Variants in POLR2G observed in about 807,000 individuals in gnomAD.
The protein encoded by POLR2G is RNA polymerase II subunit G.
A neutral mutation model predicts 25.7 loss-of-function variants in POLR2G; 19 were observed. That is an observed-to-expected ratio of 0.74 (90% CI 0.52 to 1.08). The LOEUF is 1.08. Among genes scored for constraint, POLR2G ranks in the 50% least tolerant of loss-of-function variants. The probability of loss-of-function intolerance (pLI) is 0.00; values close to 1 mark genes in which losing one functional copy is unlikely to be tolerated. For synonymous variants in POLR2G, 79 were observed against 76.0 expected (o/e 1.04, Z -0.21); for missense variants, 123 against 218.5 (o/e 0.56, Z 2.76).
chr11:62,765,137 G>C, intron 3 of POLR2G, 45 bp from the exon 4 acceptor site: 1 of 1,579,790 alleles, frequency 6.3e-7, no homozygotes, highest in Non-Finnish European at 8.7e-7. Flanking sequence ...GATTACAGGC[G>C]TGAGCCACCG....
intron 5 of POLR2G, 21 bp downstream of exon 5, chr11:62,765,426 C>A: frequency 6.3e-7 from 1 of 1,595,928 alleles, no homozygotes; most frequent in South Asian, 1.1e-5. Context: ...AGAAAGAAGT[C>A]AGGGAGACAA....
Position 62,766,388 on chromosome 11 carries a change from G to A in POLR2G, c.506-106G>A, listed in dbSNP as rs144528256. ...TCAGAGAGACAGAAGAAACTTTCATGCTGTCTGCTTGAAAGATCCAGGACA... is the reference window on the plus strand; with the variant it reads ...TCAGAGAGACAGAAGAAACTTTCATACTGTCTGCTTGAAAGATCCAGGACA... On this transcript the variant is annotated intron_variant, in intron 7 of 7. Transcript: ENST00000301788. 365 of 1,522,328 alleles carry A rather than the reference G, an allele frequency of 2.4e-4. No homozygotes were observed. The African/African-American group carries it at 4.5e-3, about 19-fold the overall frequency. 94.3% of individuals were successfully genotyped at this position (1,522,328 alleles called of 1,614,324 possible). A position where few individuals can be genotyped will look rare whatever the true frequency, so the allele number is the denominator to read the frequency against.
chr11:62,765,006 A>C (rs1187459932), intron 3 of POLR2G, among the ~76,000 whole-genome samples, 176 bp from the exon 4 acceptor site: 2 of 151,974 alleles, frequency 1.3e-5, no homozygotes, highest in African/African-American at 4.8e-5. Flanking sequence ...TTAGAGGTGC[A>C]CGCCACCATG....
At chr11:62,764,160 A>G (rs1039479614) in intron 3 of POLR2G, among the ~76,000 whole-genome samples, 1 of 152,050 alleles carries the variant, frequency 6.6e-6, no homozygotes, top group Non-Finnish European at 1.5e-5. Flanking sequence ...GCTCTTTAAT[A>G]CTTTAAAATG....
chr11:62,762,112 G>A (rs1452355978), intron 2 of POLR2G: 2 of 581,156 alleles, frequency 3.4e-6, no homozygotes, highest in Non-Finnish European at 6.2e-6. Context: ...GCTGAGATGG[G>A]TCATTCATTG....
rs1346164904 is a variant in POLR2G, at chr11:62,762,855, T to C, written c.123-12T>C. 2.6e-6 allele frequency: 4 copies of C among 1,567,726 alleles called. No homozygotes were observed. Among genetic ancestry groups the C allele is most frequent in the Non-Finnish European group, 3.5e-6 (4 of 1,150,204 alleles). ...ACACACAGTGTCTTCCTGTTTCTCA[T>C]CCTCCTTGCAGGTATGGCTTTGTAA... On this transcript the variant is annotated splice_polypyrimidine_tract_variant and intron_variant, in intron 2 of 7. Coordinates refer to ENST00000301788, the MANE Select transcript of POLR2G (RefSeq NM_002696.3).
At chr11:62,763,297 ATT>A (rs775776919) in intron 3 of POLR2G, among the ~76,000 whole-genome samples, 8 of 128,622 alleles carry the variant, frequency 6.2e-5, no homozygotes, top group Admixed American at 1.6e-4. Flanking sequence ...ATGGCCGGCT[ATT>A]TTTTTTTTTT....
chr11:62,764,505 G>A (rs1475601638), intron 3 of POLR2G, among the ~76,000 whole-genome samples: 1 of 151,882 alleles, frequency 6.6e-6, no homozygotes, highest in African/African-American at 2.4e-5. Flanking sequence ...TAAAAAAAAA[G>A]AGAAAAGGGC....
At chr11:62,764,992 G>A (rs1482763895) in intron 3 of POLR2G, among the ~76,000 whole-genome samples, 190 bp from the exon 4 acceptor site, 1 of 151,996 alleles carries the variant, frequency 6.6e-6, no homozygotes, top group Non-Finnish European at 1.5e-5. Flanking sequence ...CTGAGTAGCT[G>A]GGATTAGAGG....
intron 3 of POLR2G, among the ~76,000 whole-genome samples, chr11:62,764,587 G>C (rs1392646980): frequency 5.3e-5 from 8 of 152,108 alleles, no homozygotes; most frequent in Non-Finnish European, 8.8e-5. Context: ...TTGAGCCTAG[G>C]AGTTTGAGAC....
At chr11:62,766,066 T>C (rs2084114386) in intron 6 of POLR2G, among the ~76,000 whole-genome samples, 177 bp from the exon 7 acceptor site, 1 of 152,092 alleles carries the variant, frequency 6.6e-6, no homozygotes, top group Non-Finnish European at 1.5e-5. Flanking sequence ...GGATTACAGG[T>C]GTGAGCCACC....
At chr11:62,763,335 C>T (rs1245857291) in intron 3 of POLR2G, among the ~76,000 whole-genome samples, 1 of 138,934 alleles carries the variant, frequency 7.2e-6, no homozygotes, top group African/African-American at 2.7e-5. Context: ...CGCTTTGTCA[C>T]CCAGGCTGGT....
chr11:62,764,868 T>TC (rs2084106969), intron 3 of POLR2G, among the ~76,000 whole-genome samples: 1 of 151,952 alleles, frequency 6.6e-6, no homozygotes. Context: ...CTCTTTTGTT[T>TC]TTTTTTTTTG....
intron 7 of POLR2G, 76 bp from the exon 8 acceptor site, chr11:62,766,418 C>A: frequency 6.4e-7 from 1 of 1,558,490 alleles, no homozygotes; most frequent in Non-Finnish European, 8.9e-7. Context: ...AGGACATTTG[C>A]CTTGGGATGA....
At chr11:62,765,437 G>A (rs775085527) in intron 5 of POLR2G, 32 bp downstream of exon 5, 22 of 1,568,400 alleles carry the variant, frequency 1.4e-5, no homozygotes, top group Non-Finnish European at 1.9e-5. Flanking sequence ...AGGGAGACAA[G>A]GAGAGAATCA....
At chr11:62,762,705 C>G in intron 2 of POLR2G, 162 bp from the exon 3 acceptor site, 1 of 638,680 alleles carries the variant, frequency 1.6e-6, no homozygotes, top group Admixed American at 2.3e-5. Context: ...GATCTCTGTT[C>G]TGTCTTCTTT....
intron 3 of POLR2G, 30 bp from the exon 4 acceptor site, chr11:62,765,152 C>A: frequency 6.2e-7 from 1 of 1,607,932 alleles, no homozygotes; most frequent in South Asian, 1.1e-5. Context: ...CCACCGTGCA[C>A]GGCCGTAAGA....
chr11:62,762,126 CCT>C, intron 2 of POLR2G: 2 of 567,760 alleles, frequency 3.5e-6, no homozygotes. Flanking sequence ...TTCATTGACT[CCT>C]CAAACATTTT....
intron 3 of POLR2G, among the ~76,000 whole-genome samples, chr11:62,763,457 G>A (rs546446852): frequency 6.6e-6 from 1 of 151,924 alleles, no homozygotes; most frequent in East Asian, 1.9e-4. Context: ...ACCACGCCCG[G>A]CTAATTTTTT....
Sources: gnomAD v4.1 joint callset for allele counts (sites outside exome capture counted in the v4.1 genomes callset) on GRCh38, gnomAD v4.1.1 for gene constraint, MANE v1.5 for transcripts, NCBI Gene and HGNC (gene_info 2026-07-23, HGNC 2026-07-21) for gene names.